RMST: variants seen among roughly 807,000 people sequenced by gnomAD.
The protein encoded by RMST is rhabdomyosarcoma 2 associated transcript.
intron 3 of RMST, chr12:97,463,017 G>GTCTCTCTATCTCTCTCTCTC (rs1555228361): frequency 2.3e-5 from 3 of 129,898 alleles, no homozygotes; most frequent in Non-Finnish European, 5.0e-5. Context: ...CAAGTCAGCA[G>GTCTCTCTATCTCTCTCTCTC]TCTCTCTCTC....
rs1481723308 is a variant in RMST, at chr12:97,515,210, T to G, written n.1341-15445T>G. Among the ~76,000 whole-genome samples the G allele has an allele frequency of 2.0e-5, 3 of 152,272 alleles. No individual in the cohort carries two copies. In the East Asian group the frequency reaches 5.8e-4, roughly 29 times the overall value. ...CACTAGTTTCCTTTACACTCTTAAC[T>G]TTTCATAGTTAGGCCTAAACTAAAC... On this transcript the variant is annotated intron_variant and non_coding_transcript_variant, in intron 10 of 13. Coordinates refer to ENST00000640149, the Ensembl canonical transcript of RMST.
chr12:97,512,024 G>T (rs1188712782), intron 10 of RMST, among the ~76,000 whole-genome samples: 2 of 152,184 alleles, frequency 1.3e-5, no homozygotes, highest in South Asian at 2.1e-4. Flanking sequence ...GTTCTTAAAG[G>T]TGGCGTGTCC....
chr12:97,523,878 C>A (rs1880772358), intron 10 of RMST, among the ~76,000 whole-genome samples: 1 of 151,624 alleles, frequency 6.6e-6, no homozygotes, highest in South Asian at 2.1e-4. Flanking sequence ...GAGATCCAGA[C>A]CATCCTGGTT....
At chr12:97,476,812 A>T (rs1874605946) in intron 5 of RMST, among the ~76,000 whole-genome samples, 1 of 152,232 alleles carries the variant, frequency 6.6e-6, no homozygotes, top group Admixed American at 6.5e-5. Context: ...AGATATAGAT[A>T]TAATAAATTT....
At chr12:97,564,155 G>A (rs117471974) in exon 14 of RMST, 8,760 of 284,678 alleles carry the variant, frequency 0.031, 266 homozygotes, top group Non-Finnish European at 0.039. Context: ...TAAAGAACAT[G>A]CTCTAGGGGA....
chr12:97,555,033 C>A lies in RMST; in HGVS notation n.1546-5504C>A, dbSNP rs547101417. On this transcript the variant is annotated intron_variant and non_coding_transcript_variant, in intron 11 of 13. Coordinates refer to ENST00000640149, the Ensembl canonical transcript of RMST. ...TGTCTCTACAGCATATGGCATTGCA[C>A]AGAAAGAAAAGTCAGATGTTAATTA... 1.1e-3 allele frequency among the ~76,000 whole-genome samples: 166 copies of A among 152,124 alleles called. 1 individual carries two copies. The Middle Eastern group carries it at 0.017, about 16-fold the overall frequency.
chr12:97,498,622 T>C (rs971003967), intron 10 of RMST, among the ~76,000 whole-genome samples: 2 of 152,152 alleles, frequency 1.3e-5, no homozygotes, highest in Non-Finnish European at 2.9e-5. Context: ...TGCCTAAAAT[T>C]ACCTGATAAA....
chr12:97,467,302 GC>G (rs1386788605), intron 5 of RMST, among the ~76,000 whole-genome samples: 1 of 151,812 alleles, frequency 6.6e-6, no homozygotes, highest in East Asian at 1.9e-4. Flanking sequence ...TAATCACATA[GC>G]TTTTAAAGAA....
intron 11 of RMST, among the ~76,000 whole-genome samples, chr12:97,546,253 A>G (rs1473380158): frequency 2.0e-5 from 3 of 151,966 alleles, no homozygotes; most frequent in Non-Finnish European, 4.4e-5. Flanking sequence ...CTGCTTTTTT[A>G]TGGAGAGATC....
intron 10 of RMST, among the ~76,000 whole-genome samples, chr12:97,510,116 C>T (rs927252950): frequency 8.5e-5 from 13 of 152,134 alleles, no homozygotes; most frequent in African/African-American, 3.1e-4. Flanking sequence ...AGAGAGGAAG[C>T]ATTTATGGAA....
At chr12:97,490,572 CATT>C (rs1248032399) in intron 5 of RMST, among the ~76,000 whole-genome samples, 1 of 152,128 alleles carries the variant, frequency 6.6e-6, no homozygotes, top group Non-Finnish European at 1.5e-5. Context: ...TTTGCTATTT[CATT>C]ATCATCACCA....
intron 10 of RMST, among the ~76,000 whole-genome samples, chr12:97,507,489 T>G (rs975142150): frequency 2.0e-5 from 3 of 152,092 alleles, no homozygotes; most frequent in Non-Finnish European, 4.4e-5. Flanking sequence ...CAGATGTTAG[T>G]GGCCAGTTGA....
intron 5 of RMST, among the ~76,000 whole-genome samples, chr12:97,480,710 C>A (rs968474286): frequency 2.6e-5 from 4 of 152,224 alleles, no homozygotes; most frequent in Non-Finnish European, 5.9e-5. Flanking sequence ...TTGCACTTTG[C>A]TTTCCAGCTA....
At chr12:97,546,868 C>A (rs1882973958) in intron 11 of RMST, among the ~76,000 whole-genome samples, 1 of 151,956 alleles carries the variant, frequency 6.6e-6, no homozygotes. Context: ...TAACTATAGT[C>A]ACCATATTGT....
chr12:97,538,840 T>C (rs1395765291), intron 11 of RMST, among the ~76,000 whole-genome samples: 3 of 151,404 alleles, frequency 2.0e-5, no homozygotes, highest in Non-Finnish European at 4.4e-5. Flanking sequence ...AGAATTACAA[T>C]GGAGTCTCAT....
intron 10 of RMST, among the ~76,000 whole-genome samples, chr12:97,515,654 A>G (rs1366633191): frequency 6.6e-6 from 1 of 152,046 alleles, no homozygotes; most frequent in African/African-American, 2.4e-5. Context: ...CATCATAGCA[A>G]TCAATGTTTG....
intron 5 of RMST, among the ~76,000 whole-genome samples, chr12:97,476,508 T>C (rs1874568479): frequency 6.6e-6 from 1 of 152,182 alleles, no homozygotes; most frequent in Non-Finnish European, 1.5e-5. Flanking sequence ...TCCAGTGGAC[T>C]TCAAAGGCAA....
chr12:97,554,670 C>T (rs1035442813), intron 11 of RMST, among the ~76,000 whole-genome samples: 1 of 152,000 alleles, frequency 6.6e-6, no homozygotes, highest in Non-Finnish European at 1.5e-5. Context: ...ATATTTCTAC[C>T]CTCGTTGCCA....
intron 5 of RMST, among the ~76,000 whole-genome samples, chr12:97,476,967 T>C (rs7964278): frequency 0.32 from 48,427 of 151,984 alleles, 8,235 homozygotes; most frequent in African/African-American, 0.43. Context: ...CAGAGGTTGC[T>C]AGCAAAGATG....
Sources: allele counts gnomAD v4.1 joint callset (sites outside exome capture counted in the v4.1 genomes callset), GRCh38; gene constraint gnomAD v4.1.1; transcripts MANE v1.5; gene names NCBI Gene and HGNC (gene_info 2026-07-23, HGNC 2026-07-21).